Variants in FBXO16 observed in about 807,000 individuals in gnomAD.
The protein encoded by FBXO16 is F-box protein 16.
FBXO16 carries 31 observed loss-of-function variants against 41.0 expected under a neutral mutation model. The observed-to-expected ratio is 0.76, with a 90% CI of 0.57 to 1.02. FBXO16 has a LOEUF of 1.02. Among genes scored for constraint, FBXO16 ranks in the 50% least tolerant of loss-of-function variants. FBXO16 has a pLI of 0.00. For synonymous variants in FBXO16, 133 were observed against 117.8 expected (o/e 1.13, Z -0.84); for missense variants, 361 against 346.2 (o/e 1.04, Z -0.34).
rs1217723702 is a variant in FBXO16 at position 28,487,667 on chromosome 8, T to C, written c.-17+2519A>G. Among the ~76,000 whole-genome samples the C allele has an allele frequency of 2.6e-5, 4 of 152,040 alleles. No homozygotes were observed. In the East Asian group the frequency reaches 5.8e-4, roughly 22 times the overall value. ...ACCTTGGCTTCCCAAAGTGCTGGGA[T>C]TACAGGTGTGAGCTGCTGCGCCCAG... On this transcript the variant is annotated intron_variant, in intron 1 of 8. Coordinates refer to ENST00000380254, the MANE Select transcript of FBXO16 (RefSeq NM_172366.4).
intron 3 of FBXO16, among the ~76,000 whole-genome samples, chr8:28,470,822 T>C (rs1010166614): frequency 7.6e-4 from 116 of 152,348 alleles, no homozygotes; most frequent in African/African-American, 2.7e-3. Context: ...ACTCTTTATA[T>C]ATCCTGGATA....
intron 2 of FBXO16, among the ~76,000 whole-genome samples, chr8:28,480,237 T>C (rs1241362001): frequency 6.6e-6 from 1 of 152,188 alleles, no homozygotes; most frequent in Non-Finnish European, 1.5e-5. Flanking sequence ...TTCCAATCTC[T>C]ACCTTGGCCC....
At chr8:28,462,964 C>T (rs1386148987) in intron 4 of FBXO16, among the ~76,000 whole-genome samples, 1 of 152,186 alleles carries the variant, frequency 6.6e-6, no homozygotes, top group African/African-American at 2.4e-5. Context: ...GCTGATGAAC[C>T]ATTTCTTACA....
chr8:28,470,317 T>C (rs545207629), intron 3 of FBXO16, among the ~76,000 whole-genome samples: 155 of 152,330 alleles, frequency 1.0e-3, no homozygotes, highest in African/African-American at 3.6e-3. Context: ...AGGATGAATA[T>C]GGCATTTTCT....
intron 7 of FBXO16, among the ~76,000 whole-genome samples, chr8:28,446,680 T>G (rs538089754): frequency 6.6e-6 from 1 of 151,772 alleles, no homozygotes; most frequent in African/African-American, 2.4e-5. Context: ...GAGACCAGTC[T>G]GGTCAACATG....
At chr8:28,458,773 A>C (rs914375160) in intron 4 of FBXO16, among the ~76,000 whole-genome samples, 3 of 151,208 alleles carry the variant, frequency 2.0e-5, no homozygotes, top group Non-Finnish European at 2.9e-5. Context: ...TCACGTTTTG[A>C]CCTGAGTACT....
In FBXO16 at chr8:28,463,603, T is replaced by A. The variant is rs572253000; in HGVS notation, c.342+9A>T. ...CACAAAACACCACATACCCCTTCCTTGCCTTTACCTGTGCACAACGACAAA... is the reference window on the plus strand; with the variant it reads ...CACAAAACACCACATACCCCTTCCTAGCCTTTACCTGTGCACAACGACAAA... On this transcript the variant is annotated intron_variant, in intron 4 of 8. Transcript: ENST00000380254. 48 of 1,613,420 alleles carry A rather than the reference T, an allele frequency of 3.0e-5. No individual in the cohort carries two copies. In the East Asian group the frequency reaches 1.0e-3, roughly 35 times the overall value.
intron 4 of FBXO16, among the ~76,000 whole-genome samples, chr8:28,460,719 C>T (rs1585907590): frequency 6.6e-6 from 1 of 151,872 alleles, no homozygotes; most frequent in Non-Finnish European, 1.5e-5. Context: ...GCCACCTCTG[C>T]GCCTGGCCGA....
At chr8:28,448,340 C>CAAAAAAAAAAAAAAAAAAAAAAAAAAAA (rs56323338) in intron 6 of FBXO16, among the ~76,000 whole-genome samples, 5 of 49,886 alleles carry the variant, frequency 1.0e-4, no homozygotes, top group African/African-American at 1.3e-4. Flanking sequence ...GACCCTAAAT[C>CAAAAAAAAAAAAAAAAAAAAAAAAAAAA]AAAAAAAAAA....
intron 7 of FBXO16, among the ~76,000 whole-genome samples, chr8:28,435,071 T>G (rs533240343): frequency 3.3e-4 from 50 of 152,200 alleles, no homozygotes; most frequent in African/African-American, 1.2e-3. Context: ...AAGGCCAGTG[T>G]GACAACCTTT....
At chr8:28,460,252 T>C (rs1441443093) in intron 4 of FBXO16, among the ~76,000 whole-genome samples, 1 of 127,544 alleles carries the variant, frequency 7.8e-6, no homozygotes, top group South Asian at 2.6e-4. Flanking sequence ...TATATTTTTT[T>C]TTTTTTTTTT....
At chr8:28,429,288 C>T (rs576084031) in intron 8 of FBXO16, 90 bp downstream of exon 8, 326 of 1,446,590 alleles carry the variant, frequency 2.3e-4, no homozygotes, top group Non-Finnish European at 3.0e-4. Flanking sequence ...CAGCCTGTTC[C>T]CATAATTTAC....
At chr8:28,447,782 C>T (rs1033557874) in intron 6 of FBXO16, among the ~76,000 whole-genome samples, 80 of 151,994 alleles carry the variant, frequency 5.3e-4, no homozygotes, top group Non-Finnish European at 3.4e-4. Flanking sequence ...GGTGAAACCC[C>T]ATCTCTACTA....
intron 3 of FBXO16, 92 bp downstream of exon 3, chr8:28,473,680 A>C: frequency 9.3e-7 from 1 of 1,078,380 alleles, no homozygotes; most frequent in Non-Finnish European, 1.4e-6. Flanking sequence ...TCTGTTATTT[A>C]TAAGCCACCC....
chr8:28,479,414 T>A (rs922896366), intron 2 of FBXO16, among the ~76,000 whole-genome samples: 1 of 152,246 alleles, frequency 6.6e-6, no homozygotes, highest in Non-Finnish European at 1.5e-5. Flanking sequence ...GCAAGAGGCA[T>A]TCAGGCAATT....
intron 4 of FBXO16, 92 bp from the exon 5 acceptor site, chr8:28,457,022 G>C (rs1046651711): frequency 5.0e-6 from 7 of 1,412,102 alleles, no homozygotes; most frequent in Non-Finnish European, 6.6e-6. Flanking sequence ...TGTCATCCTG[G>C]ACCTGAGAAA....
Sources: allele counts gnomAD v4.1 joint callset (sites outside exome capture counted in the v4.1 genomes callset), GRCh38; gene constraint gnomAD v4.1.1; transcripts MANE v1.5; gene names NCBI Gene and HGNC (gene_info 2026-07-23, HGNC 2026-07-21).